The following PICALM variants were observed in gnomAD, a reference collection of about 807,000 sequenced individuals.
PICALM encodes phosphatidylinositol binding clathrin assembly protein.
PICALM carries 40 observed loss-of-function variants against 80.5 expected under a neutral mutation model. The ratio of observed to expected loss-of-function variants is 0.50; its 90% CI spans 0.39 to 0.65. The LOEUF (loss-of-function observed/expected upper bound fraction) is 0.65, where lower values mean the gene tolerates loss of function less well. Ranked by LOEUF, PICALM falls within the 30% of genes least tolerant of loss-of-function variation. The probability of loss-of-function intolerance (pLI) is 0.00; values close to 1 mark genes in which losing one functional copy is unlikely to be tolerated. For synonymous variants in PICALM, 288 were observed against 260.3 expected, an observed-to-expected ratio of 1.11 and a Z score of -1.02; for missense variants, 676 against 778.9, an observed-to-expected ratio of 0.87 and a Z score of 1.57.
chr11:86,034,890 G>A (rs1209958803), intron 1 of PICALM, among the ~76,000 whole-genome samples: 2 of 152,170 alleles, frequency 1.3e-5, no homozygotes, highest in Non-Finnish European at 2.9e-5. Flanking sequence ...AACAATGACT[G>A]AGGTAGATAA....
chr11:86,027,533 T>A lies in PICALM; in HGVS notation c.274-1166A>T, dbSNP rs371262705. Among the ~76,000 whole-genome samples the A allele has an allele frequency of 1.6e-3, 245 of 151,474 alleles. 1 individual carries two copies. The highest frequency in any genetic ancestry group is 5.6e-3 in the African/African-American group (232 of 41,148). On this transcript the variant is annotated intron_variant, in intron 2 of 19. Transcript: ENST00000393346. ...TTTTTTTTGAGACAGGGTCTCGCTC[T>A]GTCATCCAGGCTGGAGTACAGTGGT...
At chr11:85,966,183 A>G (rs1357658817) in intron 19 of PICALM, among the ~76,000 whole-genome samples, 4 of 151,432 alleles carry the variant, frequency 2.6e-5, no homozygotes, top group Non-Finnish European at 5.9e-5. Context: ...CTTTGAATGT[A>G]TGTTGTATCT....
At chr11:86,015,030 C>T in intron 4 of PICALM, 67 bp from the exon 5 acceptor site, 2 of 914,226 alleles carry the variant, frequency 2.2e-6, no homozygotes, top group South Asian at 3.1e-5. Context: ...CAAACTCCCC[C>T]CCTGGTTTTC....
intron 13 of PICALM, among the ~76,000 whole-genome samples, chr11:85,987,101 A>G (rs1399328460): frequency 3.3e-5 from 5 of 152,258 alleles, no homozygotes; most frequent in Non-Finnish European, 7.3e-5. Context: ...TTCACAATAA[A>G]TTAGGACTCA....
chr11:85,983,956 C>T lies in PICALM; in HGVS notation c.1426G>A (p.Val476Ile). 6.3e-7 allele frequency: 1 copy of T among 1,586,592 alleles called. No homozygotes were observed. The highest frequency in any genetic ancestry group is 8.6e-7 in the Non-Finnish European group (1 of 1,157,356). ...CCAGCTGAAGGGTGTGGCTGTGCAA[C>T]TGGAGAAGGAGTGAATCCTGAGTAA... ...EMFVGFTPSP[V>I]AQPHPSAGLN... is the part of the protein sequence containing the mutation. Residue 476 changes from valine to isoleucine, a missense_variant, in exon 14 of 20, where the codon GTT becomes ATT. Val to Ile is a conservative substitution (Grantham distance 29, BLOSUM62 3). Coordinates refer to ENST00000393346, the MANE Select transcript of PICALM (RefSeq NM_007166.4).
At chr11:86,034,015 T>C (rs548811111) in intron 1 of PICALM, among the ~76,000 whole-genome samples, 1 of 152,160 alleles carries the variant, frequency 6.6e-6, no homozygotes, top group African/African-American at 2.4e-5. Context: ...CAAATAAAGG[T>C]TTTTACTATA....
chr11:86,068,622 G>C (rs774257828), intron 1 of PICALM, 29 bp downstream of exon 1: 6 of 1,595,392 alleles, frequency 3.8e-6, no homozygotes, highest in African/African-American at 1.4e-5. Context: ...GGGCGCCGGG[G>C]AGCGGGGGCC....
chr11:85,959,212 T>C (rs1030590483), intron 19 of PICALM, 152 bp from the exon 20 acceptor site: 1 of 509,180 alleles, frequency 2.0e-6, no homozygotes, highest in Admixed American at 3.3e-5. Context: ...GTCAGTATTA[T>C]CAACTTATGT....
At chr11:85,987,103 T>C (rs552875750) in intron 13 of PICALM, among the ~76,000 whole-genome samples, 5 of 152,340 alleles carry the variant, frequency 3.3e-5, no homozygotes, top group Admixed American at 2.6e-4. Context: ...CACAATAAAT[T>C]AGGACTCATA....
chr11:86,042,715 T>C (rs574913137), intron 1 of PICALM, among the ~76,000 whole-genome samples: 34 of 151,150 alleles, frequency 2.2e-4, no homozygotes, highest in East Asian at 1.5e-3. Context: ...CCTCATTTCC[T>C]AAGCAAAATG....
At chr11:86,016,994 C>T (rs532359920) in intron 4 of PICALM, among the ~76,000 whole-genome samples, 21 of 152,164 alleles carry the variant, frequency 1.4e-4, no homozygotes, top group East Asian at 9.7e-4. Context: ...GGCTGAGGGG[C>T]GAGTGGATCA....
chr11:86,068,166 G>A (rs1383543560), intron 1 of PICALM, among the ~76,000 whole-genome samples: 1 of 152,202 alleles, frequency 6.6e-6, no homozygotes, highest in Non-Finnish European at 1.5e-5. Flanking sequence ...CTTCCAGGGA[G>A]GCAGCCCGGA....
intron 8 of PICALM, among the ~76,000 whole-genome samples, chr11:86,007,037 G>A (rs113544706): frequency 6.6e-6 from 1 of 152,026 alleles, no homozygotes; most frequent in African/African-American, 2.4e-5. Flanking sequence ...AAAGTCACAG[G>A]GCCAGCTAAT....
intron 19 of PICALM, chr11:85,960,849 T>C: frequency 1.7e-6 from 1 of 604,234 alleles, no homozygotes; most frequent in South Asian, 2.0e-5. Context: ...AAGCAGAAAA[T>C]GTATGAAAGA....
At chr11:86,035,718 G>T (rs1050363404) in intron 1 of PICALM, among the ~76,000 whole-genome samples, 2 of 151,574 alleles carry the variant, frequency 1.3e-5, no homozygotes, top group South Asian at 4.2e-4. Context: ...CGAGGCGGGC[G>T]GACTACCTGA....
At chr11:86,069,641 TC>T (rs892722713), upstream of PICALM, 3 of 152,246 alleles carry the variant, frequency 2.0e-5, no homozygotes, top group African/African-American at 2.4e-5. Context: ...AGGAGAAGGT[TC>T]CAAACGGCCT....
At chr11:86,006,080 T>TAA (rs2095270253) in intron 8 of PICALM, among the ~76,000 whole-genome samples, 2 of 152,160 alleles carry the variant, frequency 1.3e-5, no homozygotes, top group Non-Finnish European at 2.9e-5. Context: ...AAGGGAAGCA[T>TAA]AACAAATGGG....
At chr11:86,036,945 C>CAAAAAAAAA (rs57778395) in intron 1 of PICALM, among the ~76,000 whole-genome samples, 80,217 of 122,886 alleles carry the variant, frequency 0.65, 26,201 homozygotes, top group African/African-American at 0.75. Flanking sequence ...CAACAACAAC[C>CAAAAAAAAA]AAAAAAAAAA....
chr11:85,981,732 AT>A lies in PICALM; in HGVS notation c.1679+12del. On this transcript the variant is annotated intron_variant, in intron 16 of 19. Coordinates refer to ENST00000393346, the MANE Select transcript of PICALM (RefSeq NM_007166.4). Reference sequence around the variant, plus strand: ...AACACACGGAGAAAACAATGTGTATATTAAACACTCACTTCTTAGTGGTTCC... The same window carrying A: ...AACACACGGAGAAAACAATGTGTATATAAACACTCACTTCTTAGTGGTTCC... 6.3e-7 allele frequency: 1 copy of A among 1,597,242 alleles called. No individual in the cohort carries two copies. The highest frequency in any genetic ancestry group is 1.1e-5 in the South Asian group (1 of 90,748).
Sources: allele counts gnomAD v4.1 joint callset (sites outside exome capture counted in the v4.1 genomes callset), GRCh38; gene constraint gnomAD v4.1.1; transcripts MANE v1.5; gene names NCBI Gene and HGNC (gene_info 2026-07-23, HGNC 2026-07-21).